The following GRIK4 variants were observed in gnomAD, a reference collection of about 807,000 sequenced individuals.
GRIK4 encodes the protein glutamate ionotropic receptor kainate type subunit 4, also known as glutamate receptor ionotropic, kainate 4.
In GRIK4, 40 loss-of-function variants were observed where a neutral mutation model predicts 104.9. The ratio of observed to expected loss-of-function variants is 0.38; its 90% CI spans 0.30 to 0.50. The LOEUF is 0.50. GRIK4 is among the 20% of genes least tolerant of loss of function. GRIK4 has a pLI of 0.93. For synonymous variants in GRIK4, 485 were observed against 524.9 expected, an observed-to-expected ratio of 0.92 and a Z score of 1.04; for missense variants, 1,047 against 1,308.1, an observed-to-expected ratio of 0.80 and a Z score of 3.08.
intron 3 of GRIK4, among the ~76,000 whole-genome samples, chr11:120,664,512 C>T (rs1278503138): frequency 6.6e-6 from 1 of 152,196 alleles, no homozygotes; most frequent in Non-Finnish European, 1.5e-5. Flanking sequence ...AAACAATCCC[C>T]TGTTACAGAT....
chr11:120,814,461 G>T (rs57090447), intron 4 of GRIK4, among the ~76,000 whole-genome samples: 1 of 152,082 alleles, frequency 6.6e-6, no homozygotes, highest in South Asian at 2.1e-4. Context: ...TTAGCCAGGC[G>T]TGGTGGTGGG....
intron 1 of GRIK4, among the ~76,000 whole-genome samples, chr11:120,529,608 TGG>T: frequency 6.6e-6 from 1 of 152,318 alleles, no homozygotes; most frequent in African/African-American, 2.4e-5. Context: ...GTGGGGGAAG[TGG>T]GAAAAGTGCT....
chr11:120,622,930 A>G (rs935010722), intron 1 of GRIK4, among the ~76,000 whole-genome samples: 4 of 152,108 alleles, frequency 2.6e-5, no homozygotes, highest in Non-Finnish European at 5.9e-5. Flanking sequence ...GGATCCTTTG[A>G]CTTAATCACA....
At chr11:120,732,936 G>GT (rs1291328533) in intron 3 of GRIK4, among the ~76,000 whole-genome samples, 1 of 152,178 alleles carries the variant, frequency 6.6e-6, no homozygotes, top group Non-Finnish European at 1.5e-5. Flanking sequence ...AAAGTGGGGT[G>GT]TTGAAATCTC....
chr11:120,736,466 CTA>C (rs1158964790), intron 3 of GRIK4, among the ~76,000 whole-genome samples: 2 of 151,464 alleles, frequency 1.3e-5, no homozygotes, highest in Admixed American at 6.6e-5. Flanking sequence ...TCCACTGGCT[CTA>C]AGCCCAGCAC....
At chr11:120,966,653 T>C (rs1355401485) in intron 18 of GRIK4, among the ~76,000 whole-genome samples, 1 of 152,162 alleles carries the variant, frequency 6.6e-6, no homozygotes, top group Non-Finnish European at 1.5e-5. Context: ...ATTACAGGCG[T>C]GAGCCACCGT....
intron 13 of GRIK4, among the ~76,000 whole-genome samples, chr11:120,929,760 C>T (rs1025976222): frequency 2.0e-5 from 3 of 152,108 alleles, no homozygotes; most frequent in Admixed American, 6.5e-5. Context: ...CACATGACAC[C>T]GTCCAAGGTG....
chr11:120,931,652 G>T (rs1020594087), intron 13 of GRIK4, among the ~76,000 whole-genome samples: 1 of 152,162 alleles, frequency 6.6e-6, no homozygotes, highest in Non-Finnish European at 1.5e-5. Context: ...GTTAAATAAG[G>T]ATAATAATAG....
intron 1 of GRIK4, among the ~76,000 whole-genome samples, chr11:120,518,236 T>C (rs1292981199): frequency 1.3e-5 from 2 of 152,212 alleles, no homozygotes; most frequent in African/African-American, 2.4e-5. Flanking sequence ...GCAGTGCAAC[T>C]TTGGGCACAA....
intron 3 of GRIK4, among the ~76,000 whole-genome samples, chr11:120,748,371 C>G (rs1951484494): frequency 6.6e-6 from 1 of 152,040 alleles, no homozygotes; most frequent in South Asian, 2.1e-4. Flanking sequence ...TTATTTATCA[C>G]CTTGAAACCT....
At chr11:120,980,205 G>C (rs1384668962) in intron 19 of GRIK4, among the ~76,000 whole-genome samples, 1 of 152,214 alleles carries the variant, frequency 6.6e-6, no homozygotes, top group Non-Finnish European at 1.5e-5. Context: ...ACTCTCAGCA[G>C]TCACTTGGGG....
intron 3 of GRIK4, among the ~76,000 whole-genome samples, chr11:120,732,785 G>A (rs934154411): frequency 1.3e-5 from 2 of 152,138 alleles, no homozygotes. Context: ...AATGATCCAC[G>A]TGCTGAGAAG....
intron 1 of GRIK4, among the ~76,000 whole-genome samples, chr11:120,604,034 T>C (rs1448375430): frequency 6.6e-6 from 1 of 151,802 alleles, no homozygotes; most frequent in Non-Finnish European, 1.5e-5. Flanking sequence ...TAGCCAGGCG[T>C]GGTGGCGGGC....
At chr11:120,601,368 T>C (rs1017168801) in intron 1 of GRIK4, among the ~76,000 whole-genome samples, 17 of 152,204 alleles carry the variant, frequency 1.1e-4, no homozygotes, top group South Asian at 2.1e-4. Context: ...ATTGCGCCAC[T>C]GCACTCCAGC....
At position 120,730,082 on chromosome 11, in the gene GRIK4, C is replaced by T. The variant is rs377711491; in HGVS notation, c.82+69682C>T. ...GAAAATGAGTTCACTAGGTGGGGCA[C>T]GGTGTCTCATGCCTGTAATCCTAGC... On this transcript the variant is annotated intron_variant, in intron 3 of 20. Coordinates refer to ENST00000527524, the MANE Select transcript of GRIK4 (RefSeq NM_014619.5). Among the ~76,000 whole-genome samples, 26 of 152,140 alleles carry T rather than the reference C, an allele frequency of 1.7e-4. No individual in the cohort carries two copies. In the East Asian group the frequency reaches 3.7e-3, roughly 21 times the overall value.
intron 1 of GRIK4, among the ~76,000 whole-genome samples, chr11:120,638,646 T>A (rs897384840): frequency 1.3e-5 from 2 of 151,740 alleles, no homozygotes; most frequent in Non-Finnish European, 2.9e-5. Flanking sequence ...CCCGGCTAAT[T>A]TTTTGTATTT....
chr11:120,815,426 C>A lies in GRIK4; in HGVS notation c.296C>A (p.Ser99Tyr). 6.4e-7 allele frequency: 1 copy of A among 1,552,894 alleles called. No homozygotes were observed. Among genetic ancestry groups the A allele is most frequent in the Non-Finnish European group, 8.7e-7 (1 of 1,147,512 alleles). ...GTGGTCGCTGTCCTCGGACCATCGT[C>A]CAGCCCAGCCTCCAGCTCCATCATC... is the stretch of plus-strand genomic sequence containing the variant. ...KGVVAVLGPS[S>Y]SPASSSIISN... Residue 99 changes from serine (S) to tyrosine (Y), a missense_variant, in exon 5 of 21, where the codon TCC becomes TAC. Transcript: ENST00000527524.
At chr11:120,912,953 C>A (rs1384396294) in intron 13 of GRIK4, among the ~76,000 whole-genome samples, 1 of 152,178 alleles carries the variant, frequency 6.6e-6, no homozygotes, top group African/African-American at 2.4e-5. Context: ...CAGCTGGTAT[C>A]TGGGAACCAG....
intron 3 of GRIK4, among the ~76,000 whole-genome samples, chr11:120,708,463 G>A (rs1371576567): frequency 6.6e-6 from 1 of 152,134 alleles, no homozygotes; most frequent in African/African-American, 2.4e-5. Flanking sequence ...CTACTTAACA[G>A]CCAGGCAGAG....
Sources: gnomAD v4.1 joint callset for allele counts (sites outside exome capture counted in the v4.1 genomes callset) on GRCh38, gnomAD v4.1.1 for gene constraint, MANE v1.5 for transcripts, NCBI Gene and HGNC (gene_info 2026-07-23, HGNC 2026-07-21) for gene names.